PKD1L3: variants seen among roughly 807,000 people sequenced by gnomAD.
The protein encoded by PKD1L3 is polycystin-1-like protein 3.
Under a neutral mutation model 184.1 loss-of-function variants are expected in PKD1L3, and 239 were observed. The observed-to-expected ratio is 1.30, with a 90% CI of 1.17 to 1.45. The LOEUF is 1.45. Among genes scored for constraint, PKD1L3 ranks in the 40% most tolerant of loss-of-function variants. The pLI is 0.00. For synonymous variants in PKD1L3, 996 were observed against 778.8 expected (o/e 1.28, Z -4.64); for missense variants, 2,660 against 2,067.2 (o/e 1.29, Z -5.56).
At chr16:71,949,408 A>G (rs1263325285) in intron 21 of PKD1L3, among the ~76,000 whole-genome samples, 1 of 148,374 alleles carries the variant, frequency 6.7e-6, no homozygotes, top group Non-Finnish European at 1.5e-5. Context: ...GCTGGAGTAC[A>G]GTGGCGCAAT....
chr16:71,936,199 T>C (rs1030622819), intron 25 of PKD1L3, among the ~76,000 whole-genome samples: 11 of 151,802 alleles, frequency 7.2e-5, no homozygotes, highest in African/African-American at 9.7e-5. Context: ...TCTGTATTTT[T>C]TTTTCTTTTC....
intron 4 of PKD1L3, among the ~76,000 whole-genome samples, chr16:71,987,379 C>A (rs541062290): frequency 5.4e-4 from 82 of 151,788 alleles, no homozygotes; most frequent in African/African-American, 2.0e-3. Flanking sequence ...CACCACCATG[C>A]CTGGCTACTT....
intron 19 of PKD1L3, among the ~76,000 whole-genome samples, chr16:71,951,166 C>A (rs1452430528): frequency 6.6e-6 from 1 of 151,708 alleles, no homozygotes; most frequent in Non-Finnish European, 1.5e-5. Context: ...CAGCCTCCCC[C>A]GTAGCTGGGA....
rs539283176 is a variant in PKD1L3 at position 71,943,535 on chromosome 16, C to G, written c.3859+495G>C. On this transcript the variant is annotated intron_variant, in intron 23 of 29. Coordinates refer to ENST00000620267, the MANE Select transcript of PKD1L3 (RefSeq NM_181536.2). ...CCTGGGCAACAAAGTGAGACTCCGT[C>G]TCAAAAAAAAAAAAAAAAAAAAACA... 7.9e-4 allele frequency among the ~76,000 whole-genome samples: 25 copies of G among 31,822 alleles called. No individual in the cohort carries two copies. The East Asian group carries it at 0.028, about 35-fold the overall frequency. 20.9% of individuals were successfully genotyped at this position (31,822 alleles called of 152,430 possible). A position where few individuals can be genotyped will look rare whatever the true frequency, so the allele number is the denominator to read the frequency against.
chr16:71,958,188 C>G (rs940935643), intron 16 of PKD1L3, among the ~76,000 whole-genome samples: 5 of 150,722 alleles, frequency 3.3e-5, no homozygotes, highest in Non-Finnish European at 7.4e-5. Context: ...GAGATCGAGA[C>G]CATCCCGGCT....
At chr16:71,977,801 G>T (rs1240468023) in intron 10 of PKD1L3, among the ~76,000 whole-genome samples, 1 of 152,014 alleles carries the variant, frequency 6.6e-6, no homozygotes, top group Non-Finnish European at 1.5e-5. Flanking sequence ...TTGAGACCAA[G>T]CATTACTCTG....
intron 4 of PKD1L3, among the ~76,000 whole-genome samples, chr16:71,986,809 G>A (rs2040385902): frequency 6.6e-6 from 1 of 151,272 alleles, no homozygotes; most frequent in Non-Finnish European, 1.5e-5. Flanking sequence ...GGTAGAGGCA[G>A]AGAAACAAAT....
At chr16:71,956,390 C>A (rs1428156077) in intron 16 of PKD1L3, among the ~76,000 whole-genome samples, 1 of 151,706 alleles carries the variant, frequency 6.6e-6, no homozygotes, top group African/African-American at 2.4e-5. Flanking sequence ...GATGGAGTTT[C>A]ACCATGTTGG....
chr16:71,967,957 G>A lies in PKD1L3; in HGVS notation c.2235C>T (p.Tyr745=). 1 of 1,551,648 alleles carries A rather than the reference G, an allele frequency of 6.4e-7. No homozygotes were observed. The highest frequency in any genetic ancestry group is 2.4e-5 in the East Asian group (1 of 40,924). The change falls in exon 14 of 30, where the codon TAC becomes TAT. Residue 745 remains tyrosine (Y), a synonymous_variant. Coordinates refer to ENST00000620267, the MANE Select transcript of PKD1L3 (RefSeq NM_181536.2). ...ADNDPSAQFH[Y]LIQVYTGYRR... The stretch of plus-strand genomic sequence containing the variant: ...GATATCCGGTGTAGACCTGAATAAG[G>A]TAGTGAAATTGAGCGCTGGGGTCAT...
chr16:71,970,108 G>A lies in PKD1L3; in HGVS notation c.1954-3C>T. On this transcript the variant is annotated splice_polypyrimidine_tract_variant and splice_region_variant and intron_variant, in intron 12 of 29. Transcript: ENST00000620267. ...AGAATTGTGCTCTGTGGCCCAACCT[G>A]GAATTAGAATCAAGACGTTGATTCT... The A allele has an allele frequency of 6.5e-7, 1 of 1,549,874 alleles. No individual in the cohort carries two copies. The highest frequency in any genetic ancestry group is 8.7e-7 in the Non-Finnish European group (1 of 1,145,512).
Position 71,931,494 on chromosome 16 carries a change from T to G in PKD1L3, c.4927-1311A>C, listed in dbSNP as rs191380840. On this transcript the variant is annotated intron_variant, in intron 28 of 29. Coordinates refer to ENST00000620267, the MANE Select transcript of PKD1L3 (RefSeq NM_181536.2). ...TTTTTTTTTTTTTTTTTTGAAATGG[T>G]CTTGCTCTCACCCCGGCTGGAGTGC... Among the ~76,000 whole-genome samples the G allele has an allele frequency of 3.8e-3, 514 of 133,926 alleles. 5 individuals are homozygous for G. The highest frequency in any genetic ancestry group is 0.014 in the African/African-American group (494 of 34,620). The allele number at this position is 133,926 out of a possible 152,430, so 87.9% of individuals were successfully genotyped here. A position where few individuals can be genotyped will look rare whatever the true frequency, so the allele number is the denominator to read the frequency against.
At chr16:71,972,692 A>G (rs1053790055) in intron 12 of PKD1L3, among the ~76,000 whole-genome samples, 6 of 152,200 alleles carry the variant, frequency 3.9e-5, no homozygotes, top group African/African-American at 1.4e-4. Flanking sequence ...TCAAAAAAAA[A>G]AGAAAATTAT....
intron 4 of PKD1L3, among the ~76,000 whole-genome samples, chr16:71,987,224 A>C (rs566408162): frequency 2.3e-4 from 34 of 146,252 alleles, no homozygotes; most frequent in African/African-American, 8.6e-4. Flanking sequence ...CACCCGGCTG[A>C]GGAGAGGATT....
chr16:71,999,556 G>T (rs1044258024), intron 1 of PKD1L3, 128 bp downstream of exon 1: 17 of 881,648 alleles, frequency 1.9e-5, no homozygotes, highest in Non-Finnish European at 2.7e-5. Flanking sequence ...AGGAAAGATG[G>T]TAATGAAGTA....
intron 9 of PKD1L3, 70 bp from the exon 10 acceptor site, chr16:71,978,453 T>TATCATATATAC: frequency 7.6e-7 from 1 of 1,313,842 alleles, no homozygotes; most frequent in South Asian, 1.3e-5. Flanking sequence ...TAGAAAGATA[T>TATCATATATAC]ATCATATATA....
At chr16:71,956,165 T>C (rs972561102) in intron 16 of PKD1L3, among the ~76,000 whole-genome samples, 1 of 148,724 alleles carries the variant, frequency 6.7e-6, no homozygotes, top group Non-Finnish European at 1.5e-5. Context: ...GCCCATCATT[T>C]AGCTTTAAAA....
intron 4 of PKD1L3, among the ~76,000 whole-genome samples, chr16:71,987,627 G>A (rs1027445889): frequency 2.6e-5 from 4 of 151,858 alleles, no homozygotes; most frequent in African/African-American, 4.8e-5. Flanking sequence ...CCGCCACCTC[G>A]GCCTCCCAAA....
intron 22 of PKD1L3, among the ~76,000 whole-genome samples, chr16:71,945,619 A>T (rs2038574384): frequency 6.6e-6 from 1 of 151,712 alleles, no homozygotes; most frequent in African/African-American, 2.4e-5. Context: ...CAGAGGTTGC[A>T]GTGAGCCGAG....
In PKD1L3 at chr16:71,949,923, G is replaced by A; in HGVS notation, c.3478C>T (p.Leu1160Phe). Residue 1160 changes from leucine to phenylalanine, a missense_variant, in exon 21 of 30, where the codon CTC (leucine) becomes TTC (phenylalanine). Coordinates refer to ENST00000620267, the MANE Select transcript of PKD1L3 (RefSeq NM_181536.2). ...SKWLTSVCWL[L>F]LGFTSLASAF... The stretch of plus-strand genomic sequence containing the variant: ...GAAGCCAGGCTAGTGAAACCTAAGA[G>A]GAGCCAGCAGACTGAAGTCAACCAT... 6.4e-7 allele frequency: 1 copy of A among 1,551,698 alleles called. No individual in the cohort carries two copies. Among genetic ancestry groups the A allele is most frequent in the Non-Finnish European group, 8.7e-7 (1 of 1,147,008 alleles).
Sources: allele counts gnomAD v4.1 joint callset (sites outside exome capture counted in the v4.1 genomes callset), GRCh38; gene constraint gnomAD v4.1.1; transcripts MANE v1.5; gene names NCBI Gene and HGNC (gene_info 2026-07-23, HGNC 2026-07-21).